The following CSNK1G1 variants were observed in gnomAD, a reference collection of about 807,000 sequenced individuals.
CSNK1G1 encodes the protein casein kinase 1 gamma 1, also known as casein kinase I isoform gamma-1.
A neutral mutation model predicts 59.6 loss-of-function variants in CSNK1G1; 22 were observed. The ratio of observed to expected loss-of-function variants is 0.37; its 90% CI spans 0.26 to 0.53. The LOEUF is 0.53. Among genes scored for constraint, CSNK1G1 ranks in the 20% least tolerant of loss-of-function variants. The pLI is 0.89. For missense variants in CSNK1G1, 384 were observed against 519.5 expected (o/e 0.74, Z 2.54); for synonymous variants, 179 against 177.1 (o/e 1.01, Z -0.08).
chr15:64,202,600 G>GTGCAAATGCGGAA (rs2082122746), intron 10 of CSNK1G1, among the ~76,000 whole-genome samples: 1 of 150,556 alleles, frequency 6.6e-6, no homozygotes, highest in East Asian at 1.9e-4. Flanking sequence ...TCAGGCTGGA[G>GTGCAAATGCGGAA]TGCAAATGCG....
Position 64,210,793 on chromosome 15 carries a change from G to A in CSNK1G1, c.679+3097C>T, listed in dbSNP as rs1240530457. On this transcript the variant is annotated intron_variant, in intron 6 of 11. Coordinates refer to ENST00000303052, the MANE Select transcript of CSNK1G1 (RefSeq NM_022048.5). The surrounding 1 kb of genome is among the most constrained non-coding windows in gnomAD (Gnocchi z 4.2). ...ACCCCCCAACACACACAAACCTCAC[G>A]TTGAAATTTGATCCCAATGTTCGAA... Among the ~76,000 whole-genome samples the A allele has an allele frequency of 6.6e-6, 1 of 152,152 alleles. No individual in the cohort carries two copies. The highest frequency in any genetic ancestry group is 1.5e-5 in the Non-Finnish European group (1 of 68,038).
chr15:64,352,492 G>C (rs1271843056), intron 1 of CSNK1G1, among the ~76,000 whole-genome samples: 1 of 99,378 alleles, frequency 1.0e-5, no homozygotes, highest in Non-Finnish European at 1.9e-5. Context: ...TCTTGCCCAG[G>C]CTGGAGTGAA....
At chr15:64,254,188 C>A (rs1051640349) in intron 3 of CSNK1G1, among the ~76,000 whole-genome samples, 1 of 150,172 alleles carries the variant, frequency 6.7e-6, no homozygotes, top group African/African-American at 2.5e-5. Context: ...TAGTCAAATT[C>A]ATAGAGACAG....
intron 4 of CSNK1G1, among the ~76,000 whole-genome samples, chr15:64,224,769 T>C (rs577328080): frequency 5.9e-5 from 9 of 152,210 alleles, no homozygotes; most frequent in East Asian, 1.9e-4. Context: ...AGCTCAAATT[T>C]GTATGGTGGG....
At chr15:64,298,313 T>A (rs1895136376) in intron 2 of CSNK1G1, among the ~76,000 whole-genome samples, 1 of 152,254 alleles carries the variant, frequency 6.6e-6, no homozygotes, top group African/African-American at 2.4e-5. Context: ...AAGATTTAGA[T>A]GCTTTAGAAA....
intron 2 of CSNK1G1, among the ~76,000 whole-genome samples, chr15:64,288,659 C>G (rs1894563689): frequency 6.6e-6 from 1 of 151,804 alleles, no homozygotes; most frequent in Non-Finnish European, 1.5e-5. Context: ...TTGAATCAAT[C>G]CAGCATCACC....
At chr15:64,265,690 T>C in intron 2 of CSNK1G1, 1 of 343,980 alleles carries the variant, frequency 2.9e-6, no homozygotes, top group Non-Finnish European at 5.7e-6. Flanking sequence ...TAGGAATAAA[T>C]TCAACCAAAG....
chr15:64,292,846 T>G (rs1894817740), intron 2 of CSNK1G1, among the ~76,000 whole-genome samples: 1 of 152,088 alleles, frequency 6.6e-6, no homozygotes, highest in South Asian at 2.1e-4. Context: ...GAGAACTGCT[T>G]GAACCTGGGA....
chr15:64,308,448 G>C (rs996453367), intron 1 of CSNK1G1, among the ~76,000 whole-genome samples: 3 of 152,050 alleles, frequency 2.0e-5, no homozygotes, highest in Non-Finnish European at 4.4e-5. Context: ...ATTAAAGGGA[G>C]CCAAAGCAAA....
intron 3 of CSNK1G1, among the ~76,000 whole-genome samples, chr15:64,255,800 G>A (rs1416051112): frequency 2.6e-5 from 4 of 152,172 alleles, no homozygotes; most frequent in Non-Finnish European, 5.9e-5. Flanking sequence ...CTCCGAAGTT[G>A]TCTAGTCTAT....
At chr15:64,303,639 C>T (rs1895489839) in intron 1 of CSNK1G1, among the ~76,000 whole-genome samples, 3 of 151,820 alleles carry the variant, frequency 2.0e-5, no homozygotes, top group South Asian at 4.2e-4. Flanking sequence ...GTAATCCCAG[C>T]TACTTGGGAG....
intron 4 of CSNK1G1, among the ~76,000 whole-genome samples, chr15:64,227,525 T>C (rs533730333): frequency 6.6e-5 from 10 of 152,258 alleles, no homozygotes; most frequent in African/African-American, 2.4e-4. Context: ...ACAGATTAAA[T>C]GACCAAAAAA....
intron 10 of CSNK1G1, chr15:64,181,056 C>A: frequency 1.8e-6 from 2 of 1,118,738 alleles, no homozygotes; most frequent in Non-Finnish European, 2.4e-6. Context: ...TAAATAATCA[C>A]ACTTTCCTTC....
chr15:64,304,386 A>C (rs1895550136), intron 1 of CSNK1G1, among the ~76,000 whole-genome samples: 1 of 133,750 alleles, frequency 7.5e-6, no homozygotes, highest in Non-Finnish European at 1.6e-5. Context: ...TCCACCTCAA[A>C]AAAAAAAAAA....
chr15:64,282,847 G>A (rs941315262), intron 2 of CSNK1G1, among the ~76,000 whole-genome samples: 1 of 152,230 alleles, frequency 6.6e-6, no homozygotes, highest in Non-Finnish European at 1.5e-5. Flanking sequence ...AGTCACCCTA[G>A]AGGGTATGAA....
chr15:64,280,918 T>C (rs1288896365), intron 2 of CSNK1G1, among the ~76,000 whole-genome samples: 5 of 152,134 alleles, frequency 3.3e-5, no homozygotes, highest in African/African-American at 1.2e-4. Context: ...CTCACTCTGT[T>C]GCCCAGGCTG....
chr15:64,184,676 C>CAA (rs59052389), intron 10 of CSNK1G1, among the ~76,000 whole-genome samples: 33 of 81,412 alleles, frequency 4.1e-4, no homozygotes, highest in Middle Eastern at 5.5e-3. Flanking sequence ...AACTCTGTCT[C>CAA]AAAAAAAAAA....
chr15:64,276,806 T>C (rs1252078075), intron 2 of CSNK1G1, among the ~76,000 whole-genome samples: 4 of 151,552 alleles, frequency 2.6e-5, no homozygotes. Flanking sequence ...AATTAGCTGG[T>C]GGTAGTGGCG....
intron 2 of CSNK1G1, among the ~76,000 whole-genome samples, chr15:64,296,340 T>C (rs1895021580): frequency 6.6e-6 from 1 of 152,090 alleles, no homozygotes; most frequent in African/African-American, 2.4e-5. Flanking sequence ...ATGTTGGTAT[T>C]GAAATCCTAA....
Sources: gnomAD v4.1 joint callset for allele counts (sites outside exome capture counted in the v4.1 genomes callset) on GRCh38, gnomAD v4.1.1 for gene constraint, Gnocchi (gnomAD v3.1) non-coding constraint, MANE v1.5 for transcripts, NCBI Gene and HGNC (gene_info 2026-07-23, HGNC 2026-07-21) for gene names.